The following SERPINB1 variants were observed in gnomAD, a reference collection of about 807,000 sequenced individuals.
The protein encoded by SERPINB1 is leukocyte elastase inhibitor.
In SERPINB1, 23 loss-of-function variants were observed where a neutral mutation model predicts 25.9. The observed-to-expected ratio is 0.89, with a 90% CI of 0.64 to 1.26. The LOEUF (loss-of-function observed/expected upper bound fraction) is 1.26. Among genes scored for constraint, SERPINB1 ranks in the 50% most tolerant of loss-of-function variants. SERPINB1 has a pLI of 0.00. For synonymous variants in SERPINB1, 178 were observed against 178.7 expected (o/e 1.00, Z 0.03); for missense variants, 399 against 463.6 (o/e 0.86, Z 1.28).
At chr6:2,839,924 G>A (rs957324054) in intron 2 of SERPINB1, among the ~76,000 whole-genome samples, 1 of 152,192 alleles carries the variant, frequency 6.6e-6, no homozygotes, top group African/African-American at 2.4e-5. Flanking sequence ...GAACCACAGG[G>A]TCACTTTTTC....
At chr6:2,839,406 A>T in intron 2 of SERPINB1, 1 of 985,182 alleles carries the variant, frequency 1.0e-6, no homozygotes, top group Non-Finnish European at 1.2e-6. Flanking sequence ...AGTCCTTAAA[A>T]CTATTCTTTG....
rs985502676 is a variant in SERPINB1 at position 2,837,649 on chromosome 6, T to C, written c.424+233A>G. On this transcript the variant is annotated intron_variant, in intron 4 of 6. Transcript: ENST00000380739. This position sits in a 1 kb window ranked among gnomAD's most constrained non-coding sequence, Gnocchi z 4.3. ...AGCTGATGAGAAAAAAGGATTTAGCTGCTTGAGTTAAATCATGTTTAAGTT... is the reference window on the plus strand; with the variant it reads ...AGCTGATGAGAAAAAAGGATTTAGCCGCTTGAGTTAAATCATGTTTAAGTT... 6.6e-6 allele frequency among the ~76,000 whole-genome samples: 1 copy of C among 152,230 alleles called. No homozygotes were observed. The highest frequency in any genetic ancestry group is 2.4e-5 in the African/African-American group (1 of 41,440).
rs1454889485 is a variant in SERPINB1, at chr6:2,838,561, G to C, written c.294C>G (p.Tyr98Ter). 5 of 1,596,982 alleles carry C rather than the reference G, an allele frequency of 3.1e-6. No homozygotes were observed. Among genetic ancestry groups the C allele is most frequent in the East Asian group, 2.3e-5 (1 of 44,282 alleles). The change falls in exon 3 of 7, where the codon TAC becomes TAG. Residue 98 changes from tyrosine (Y) to a stop codon, truncating the protein, a stop_gained. Transcript: ENST00000380739. LOFTEE classifies it high-confidence loss of function. ...LANRLYGEKTYNFLPEFLVST... is the reference protein window; with the variant it reads ...LANRLYGEKT ...GCAAAGTACTTACAGGAAGGAAATT[G>C]TAAGTTTTCTCTCCATATAATCTAT...
intron 1 of SERPINB1, among the ~76,000 whole-genome samples, chr6:2,840,883 G>A (rs370203849): frequency 1.2e-3 from 188 of 152,274 alleles, no homozygotes; most frequent in African/African-American, 4.2e-3. Context: ...TGGGGCGGGG[G>A]TAAGGCAGGC....
At chr6:2,834,102 A>G in intron 6 of SERPINB1, 90 bp from the exon 7 acceptor site, 2 of 1,193,948 alleles carry the variant, frequency 1.7e-6, no homozygotes, top group Non-Finnish European at 2.3e-6. Flanking sequence ...GACCCATAAT[A>G]TCAGTTGCTA....
chr6:2,835,684 A>T (rs191047293), intron 6 of SERPINB1, among the ~76,000 whole-genome samples, 172 bp downstream of exon 6: 31 of 152,024 alleles, frequency 2.0e-4, no homozygotes, highest in East Asian at 1.5e-3. Flanking sequence ...AAGTAAATTT[A>T]AAAAAAAATT....
Position 2,833,520 on chromosome 6 carries a change from G to C in SERPINB1, c.*88C>G, listed in dbSNP as rs1766398988. The C allele has an allele frequency of 1.6e-6, 2 of 1,225,994 alleles. No individual in the cohort carries two copies. The highest frequency in any genetic ancestry group is 1.5e-5 in the African/African-American group (1 of 65,198). 75.9% of individuals were successfully genotyped at this position (1,225,994 alleles called of 1,614,324 possible). On this transcript the variant is annotated 3_prime_UTR_variant, in exon 7 of 7. Coordinates refer to ENST00000380739, the MANE Select transcript of SERPINB1 (RefSeq NM_030666.4). ...CTTGTTTCTGAACAGTGGTTTTATT[G>C]GTAAAGATATAAGACATATTGGCTC...
rs1050340525 is a variant in SERPINB1 at position 2,841,433 on chromosome 6, C to G, written c.-9+379G>C. On this transcript the variant is annotated intron_variant, in intron 1 of 6. Transcript: ENST00000380739. This position sits in a 1 kb window ranked among gnomAD's most constrained non-coding sequence, Gnocchi z 4.5. ...TCTCCCTGCAGCTGCAGATAGGAGC[C>G]GCGGCCTGGCCCTGGGCTGCCTGGA... 1 of 152,730 alleles carries G rather than the reference C, an allele frequency of 6.5e-6. No individual in the cohort carries two copies. The highest frequency in any genetic ancestry group is 6.5e-5 in the Admixed American group (1 of 15,292). The allele number at this position is 152,730 out of a possible 1,614,324, so 9.5% of individuals were successfully genotyped here.
chr6:2,838,281 G>A (rs1006819129), intron 3 of SERPINB1, among the ~76,000 whole-genome samples: 1 of 152,116 alleles, frequency 6.6e-6, no homozygotes, highest in African/African-American at 2.4e-5. Context: ...CTTTGACTAA[G>A]ATTTCACAAA....
intron 6 of SERPINB1, 78 bp from the exon 7 acceptor site, chr6:2,834,090 T>A: frequency 7.7e-7 from 1 of 1,307,158 alleles, no homozygotes; most frequent in Non-Finnish European, 1.0e-6. Context: ...ATTGAATCAA[T>A]GGACCCATAA....
intron 2 of SERPINB1, among the ~76,000 whole-genome samples, chr6:2,839,901 C>T (rs1410276908): frequency 6.6e-6 from 1 of 152,208 alleles, no homozygotes; most frequent in Non-Finnish European, 1.5e-5. Flanking sequence ...ATGCGCAGCA[C>T]CCTGGGACTA....
At position 2,835,819 on chromosome 6, in the gene SERPINB1, A is replaced by C. The variant is rs763448015; in HGVS notation, c.735+37T>G. The C allele has an allele frequency of 1.1e-5, 18 of 1,586,612 alleles. No individual in the cohort carries two copies. In the South Asian group the frequency reaches 1.9e-4, roughly 17 times the overall value. Reference sequence around the variant, plus strand: ...TACCTACCATGCGACACACACATGCAAGAGGAACCACAAAGCATGAAGCCC... The same window carrying C: ...TACCTACCATGCGACACACACATGCCAGAGGAACCACAAAGCATGAAGCCC... On this transcript the variant is annotated intron_variant, in intron 6 of 6. Transcript: ENST00000380739.
rs1264537667 is a variant in SERPINB1 at position 2,841,555 on chromosome 6, T to TCCTCCCTC, written c.-9+249_-9+256dup. Reference sequence around the variant, plus strand: ...TCTTGCCTTCCGCCTGCATCTGTCGTCCTCCCTCCCTCCCTCCCTCGCGGG... The same window carrying TCCTCCCTC: ...TCTTGCCTTCCGCCTGCATCTGTCGTCCTCCCTCCCTCCCTCCCTCCCTCCCTCGCGGG... On this transcript the variant is annotated intron_variant, in intron 1 of 6. Transcript: ENST00000380739. The surrounding 1 kb of genome is among the most constrained non-coding windows in gnomAD (Gnocchi z 4.5). 1 of 152,158 alleles carries TCCTCCCTC rather than the reference T, an allele frequency of 6.6e-6. No homozygotes were observed. Among genetic ancestry groups the TCCTCCCTC allele is most frequent in the African/African-American group, 2.4e-5 (1 of 41,326 alleles). 9.4% of individuals were successfully genotyped at this position (152,158 alleles called of 1,614,324 possible).
At chr6:2,839,372 C>A in intron 2 of SERPINB1, 1 of 985,148 alleles carries the variant, frequency 1.0e-6, no homozygotes, top group Non-Finnish European at 1.2e-6. Flanking sequence ...TATGCTCCAT[C>A]TGCTTTAATG....
At position 2,835,889 on chromosome 6, in the gene SERPINB1, A is replaced by G. The variant is rs768409687; in HGVS notation, c.702T>C (p.Asp234=). The G allele has an allele frequency of 1.9e-6, 3 of 1,614,034 alleles. No individual in the cohort carries two copies. The highest frequency in any genetic ancestry group is 1.6e-4 in the Middle Eastern group (1 of 6,082). The change falls in exon 6 of 7, where the codon GAT becomes GAC. Residue 234 remains aspartate (D), a synonymous_variant. Coordinates refer to ENST00000380739, the MANE Select transcript of SERPINB1 (RefSeq NM_030666.4). ...EELSMVILLP[D]DIEDESTGLK... ...GGCCCGTGGACTCGTCCTCAATGTC[A>G]TCCGGCAGCAGGATGACCATGCTGA...
In SERPINB1 at chr6:2,839,671, A is replaced by G. The variant is rs572562207; in HGVS notation, c.168+748T>C. ...TGTTAGAAGAGCCTCCACTTTTACC[A>G]CTCCTTTCTGCTGAGCTTAGAGAGA... On this transcript the variant is annotated intron_variant, in intron 2 of 6. Transcript: ENST00000380739. 1.9e-4 allele frequency among the ~76,000 whole-genome samples: 29 copies of G among 152,130 alleles called. No individual in the cohort carries two copies. The South Asian group carries it at 5.6e-3, about 29-fold the overall frequency.
intron 6 of SERPINB1, among the ~76,000 whole-genome samples, chr6:2,834,928 T>C (rs1433214960): frequency 6.6e-6 from 1 of 152,248 alleles, no homozygotes; most frequent in Non-Finnish European, 1.5e-5. Context: ...TTATAGCTAT[T>C]GGACTGGAAT....
In SERPINB1 at chr6:2,833,310, AT is replaced by A. The variant is rs1766391962; in HGVS notation, c.*297del. On this transcript the variant is annotated 3_prime_UTR_variant, in exon 7 of 7. Transcript: ENST00000380739. The stretch of plus-strand genomic sequence containing the variant: ...CCATGGCTATCAGGAGGATATAGCA[AT>A]TTTATAGATTACTACATGGTCAAGA... The A allele has an allele frequency of 3.8e-6, 1 of 261,100 alleles. No individual in the cohort carries two copies. The highest frequency in any genetic ancestry group is 7.1e-6 in the Non-Finnish European group (1 of 140,178). 16.2% of individuals were successfully genotyped at this position (261,100 alleles called of 1,614,324 possible).
Position 2,837,998 on chromosome 6 carries a change from T to C in SERPINB1, c.308A>G (p.Glu103Gly), listed in dbSNP as rs756683587. 1.8e-5 allele frequency: 29 copies of C among 1,605,236 alleles called. No homozygotes were observed. The highest frequency in any genetic ancestry group is 2.2e-5 in the Non-Finnish European group (26 of 1,174,402). ...TGTTTTCTGAGTCGAAACCAAGAAC[T>C]CCTATTAAAAAAAAGGAAAAGGAAA... is the stretch of plus-strand genomic sequence containing the variant. ...YGEKTYNFLP[E>G]FLVSTQKTYG... Residue 103 changes from glutamate (E) to glycine (G), a missense_variant and splice_region_variant, in exon 4 of 7, where the codon GAG becomes GGG. Coordinates refer to ENST00000380739, the MANE Select transcript of SERPINB1 (RefSeq NM_030666.4). The surrounding 1 kb of genome is among the most constrained non-coding windows in gnomAD (Gnocchi z 4.3).
Sources: allele counts gnomAD v4.1 joint callset (sites outside exome capture counted in the v4.1 genomes callset), GRCh38; gene constraint gnomAD v4.1.1; non-coding constraint Gnocchi (gnomAD v3.1); transcripts MANE v1.5; gene names NCBI Gene and HGNC (gene_info 2026-07-23, HGNC 2026-07-21).